Variants in NME9 observed in about 807,000 individuals in gnomAD.
NME9 encodes the protein thioredoxin domain-containing protein 6.
NME9 carries 48 observed loss-of-function variants against 44.4 expected under a neutral mutation model. The ratio of observed to expected loss-of-function variants is 1.08; its 90% CI spans 0.86 to 1.37. The LOEUF is 1.37. Ranked by LOEUF, NME9 falls within the 40% of genes most tolerant of loss-of-function variation. NME9 has a pLI of 0.00. For missense variants in NME9, 325 were observed against 405.2 expected (o/e 0.80, Z 1.70); for synonymous variants, 139 against 147.1 (o/e 0.94, Z 0.40).
chr3:138,265,594 G>GA (rs2048201196), intron 8 of NME9, among the ~76,000 whole-genome samples: 2 of 152,168 alleles, frequency 1.3e-5, no homozygotes, highest in Non-Finnish European at 2.9e-5. Flanking sequence ...CATTCAGGCA[G>GA]GAAGAATATA....
intron 8 of NME9, chr3:138,289,109 A>G (rs555110828): frequency 1.2e-6 from 2 of 1,612,760 alleles, no homozygotes; most frequent in Non-Finnish European, 1.7e-6. Context: ...CTCATATGGA[A>G]TGAAGAGGAA....
chr3:138,326,643 C>CCTGTGGCCCTGT (rs2053804316), intron 1 of NME9, among the ~76,000 whole-genome samples: 1 of 151,274 alleles, frequency 6.6e-6, no homozygotes, highest in Admixed American at 6.6e-5. Context: ...CCATGTTGGC[C>CCTGTGGCCCTGT]AGGCTGGTCG....
At chr3:138,292,158 C>T (rs552039879) in intron 8 of NME9, among the ~76,000 whole-genome samples, 1 of 152,184 alleles carries the variant, frequency 6.6e-6, no homozygotes, top group Non-Finnish European at 1.5e-5. Flanking sequence ...CTGCCTCAGC[C>T]TCCCAGGTAG....
Position 138,319,468 on chromosome 3 carries a change from A to T in NME9, c.195+10T>A. The T allele has an allele frequency of 2.0e-6, 3 of 1,469,244 alleles. No homozygotes were observed. The highest frequency in any genetic ancestry group is 2.9e-6 in the Non-Finnish European group (3 of 1,048,058). 91.0% of individuals were successfully genotyped at this position (1,469,244 alleles called of 1,614,324 possible). On this transcript the variant is annotated intron_variant, in intron 3 of 10. Coordinates refer to ENST00000333911, the MANE Select transcript of NME9 (RefSeq NM_001349018.2). The stretch of plus-strand genomic sequence containing the variant: ...ATGTTGTATGACTGTTGGCTGAGAG[A>T]GAATCTTACTAATGCAAAGTGCAGA...
intron 8 of NME9, among the ~76,000 whole-genome samples, chr3:138,264,696 G>A (rs897251571): frequency 1.3e-5 from 2 of 151,712 alleles, no homozygotes; most frequent in Non-Finnish European, 1.5e-5. Flanking sequence ...GGGATTACAG[G>A]CATGAGCCAC....
intron 8 of NME9, among the ~76,000 whole-genome samples, chr3:138,264,608 C>T (rs982656560): frequency 9.9e-5 from 15 of 151,260 alleles, no homozygotes; most frequent in South Asian, 6.3e-4. Flanking sequence ...TTAGTAGAGG[C>T]GGGGTTTCAC....
chr3:138,284,541 C>G (rs1455925329), intron 8 of NME9: 2 of 1,562,296 alleles, frequency 1.3e-6, no homozygotes, highest in South Asian at 2.2e-5. Flanking sequence ...GCCCTTGTCC[C>G]CTTTCACCGT....
chr3:138,324,937 C>A lies in NME9; in HGVS notation c.34-7G>T. ...CTTGGGTGCTGATGTTGACCTAAAGCCAAAGAGGATCAAATGCCGTATTAC... is the reference window on the plus strand; with the variant it reads ...CTTGGGTGCTGATGTTGACCTAAAGACAAAGAGGATCAAATGCCGTATTAC... On this transcript the variant is annotated splice_region_variant and splice_polypyrimidine_tract_variant and intron_variant, in intron 1 of 10. Transcript: ENST00000333911. 6.2e-7 allele frequency: 1 copy of A among 1,612,962 alleles called. No individual in the cohort carries two copies. The highest frequency in any genetic ancestry group is 8.5e-7 in the Non-Finnish European group (1 of 1,178,992).
rs78761390 is a variant in NME9, at chr3:138,269,577, C to G, written c.746-6991G>C. 1.7e-3 allele frequency among the ~76,000 whole-genome samples: 261 copies of G among 152,272 alleles called. 1 individual carries two copies. The highest frequency in any genetic ancestry group is 5.9e-3 in the African/African-American group (244 of 41,556). On this transcript the variant is annotated intron_variant, in intron 8 of 8. Transcript: ENST00000317876. ...CTTGGAAGGAGGATGATTTGGTTTT[C>G]TAAGTTCCTTTATATTTCTTTCCTT...
intron 8 of NME9, among the ~76,000 whole-genome samples, chr3:138,292,141 G>A (rs1353480308): frequency 6.6e-6 from 1 of 152,158 alleles, no homozygotes; most frequent in Admixed American, 6.5e-5. Context: ...GAGTTCAAGT[G>A]ATTCTCCTGC....
At chr3:138,266,966 G>GTTAGTCCGTCATAA (rs1177914101) in intron 8 of NME9, among the ~76,000 whole-genome samples, 3 of 152,170 alleles carry the variant, frequency 2.0e-5, no homozygotes, top group Admixed American at 2.0e-4. Context: ...ATTTGAGGGC[G>GTTAGTCCGTCATAA]TTAGTCCGTC....
At chr3:138,313,887 T>G (rs1290770761) in intron 6 of NME9, among the ~76,000 whole-genome samples, 1 of 152,192 alleles carries the variant, frequency 6.6e-6, no homozygotes, top group Non-Finnish European at 1.5e-5. Context: ...GAGAGTAGAT[T>G]GGTGATTACC....
chr3:138,263,812 C>G, intron 8 of NME9: 2 of 1,613,872 alleles, frequency 1.2e-6, no homozygotes, highest in Non-Finnish European at 1.7e-6. Context: ...GTGCGGTTAG[C>G]TGCCGTCAGG....
chr3:138,308,002 A>G (rs1416276823), intron 6 of NME9, among the ~76,000 whole-genome samples: 1 of 152,190 alleles, frequency 6.6e-6, no homozygotes, highest in East Asian at 1.9e-4. Flanking sequence ...AAGGTGGCCT[A>G]GAGTGTGGAC....
At chr3:138,325,038 T>C in intron 1 of NME9, 108 bp from the exon 2 acceptor site, 1 of 885,500 alleles carries the variant, frequency 1.1e-6, no homozygotes, top group Non-Finnish European at 1.8e-6. Flanking sequence ...TACTTACAAG[T>C]ACAGTTCAAG....
chr3:138,290,417 G>A, intron 8 of NME9: 1 of 670,562 alleles, frequency 1.5e-6, no homozygotes, highest in Admixed American at 2.6e-5. Context: ...ATTGGGAGAG[G>A]GTAGAGGACA....
At chr3:138,326,019 T>A (rs1274228967) in intron 1 of NME9, among the ~76,000 whole-genome samples, 1 of 152,228 alleles carries the variant, frequency 6.6e-6, no homozygotes, top group Non-Finnish European at 1.5e-5. Context: ...TGTGCTAGAT[T>A]TATTTGTCAA....
At chr3:138,324,566 A>G (rs2053657939) in intron 2 of NME9, 1 of 492,902 alleles carries the variant, frequency 2.0e-6, no homozygotes, top group South Asian at 1.5e-5. Context: ...AGATCCCTGT[A>G]TTCCTTCCAA....
chr3:138,327,748 G>A (rs1419964706), intron 1 of NME9, among the ~76,000 whole-genome samples: 3 of 152,092 alleles, frequency 2.0e-5, no homozygotes, highest in South Asian at 2.1e-4. Flanking sequence ...AGTAGAAGAC[G>A]GGAGGGGAGG....
Sources: allele counts gnomAD v4.1 joint callset (sites outside exome capture counted in the v4.1 genomes callset), GRCh38; gene constraint gnomAD v4.1.1; transcripts MANE v1.5; gene names NCBI Gene and HGNC (gene_info 2026-07-23, HGNC 2026-07-21).